Variants in SGF29 observed in about 807,000 individuals in gnomAD.
SGF29 encodes SAGA complex associated factor 29, also known as SAGA-associated factor 29.
A neutral mutation model predicts 38.1 loss-of-function variants in SGF29; 15 were observed. The ratio of observed to expected loss-of-function variants is 0.39; its 90% confidence interval spans 0.26 to 0.61. SGF29 has a LOEUF of 0.61. Ranked by LOEUF, SGF29 falls within the 20% of genes least tolerant of loss-of-function variation. The pLI, the probability that SGF29 is intolerant of heterozygous loss-of-function variation, is 0.49. For missense variants in SGF29, 184 were observed against 394.6 expected, an observed-to-expected ratio of 0.47 and a Z score of 4.52; for synonymous variants, 151 against 160.8, an observed-to-expected ratio of 0.94 and a Z score of 0.46.
At chr16:28,586,705 C>G (rs1006478261) in intron 4 of SGF29, among the ~76,000 whole-genome samples, 1 of 152,076 alleles carries the variant, frequency 6.6e-6, no homozygotes, top group Non-Finnish European at 1.5e-5. Context: ...CATTTCCTCA[C>G]TAGTAGGATT....
At chr16:28,581,246 G>C in intron 2 of SGF29, 102 bp downstream of exon 2, 1 of 1,023,206 alleles carries the variant, frequency 9.8e-7, no homozygotes, top group Non-Finnish European at 1.5e-6. Flanking sequence ...GGACTCGCAG[G>C]AACCAAAATG....
At chr16:28,567,881 G>A (rs760914274) in intron 1 of SGF29, among the ~76,000 whole-genome samples, 5 of 152,172 alleles carry the variant, frequency 3.3e-5, no homozygotes, top group Non-Finnish European at 7.3e-5. Flanking sequence ...CAAAATTAAT[G>A]TAGAGTTTAT....
intron 2 of SGF29, 91 bp downstream of exon 2, chr16:28,581,235 T>A: frequency 8.1e-7 from 1 of 1,227,412 alleles, no homozygotes; most frequent in Non-Finnish European, 1.2e-6. Context: ...TCAGAGAGAT[T>A]GGACTCGCAG....
chr16:28,561,626 G>A (rs2046790791), intron 1 of SGF29, among the ~76,000 whole-genome samples: 1 of 152,182 alleles, frequency 6.6e-6, no homozygotes, highest in South Asian at 2.1e-4. Flanking sequence ...GAGCATGCTA[G>A]GAGTCAAAAA....
intron 1 of SGF29, among the ~76,000 whole-genome samples, chr16:28,564,747 A>ATATATATG (rs1320403575): frequency 8.1e-4 from 1 of 1,236 alleles, no homozygotes; most frequent in Non-Finnish European, 3.0e-3. Context: ...GTATATATGT[A>ATATATATG]TATATATGTA....
chr16:28,561,356 A>AATTT (rs1395741090), intron 1 of SGF29, among the ~76,000 whole-genome samples: 1 of 152,178 alleles, frequency 6.6e-6, no homozygotes, highest in African/African-American at 2.4e-5. Context: ...AACATGGTTA[A>AATTT]ACCCTGTCTC....
intron 1 of SGF29, among the ~76,000 whole-genome samples, chr16:28,574,298 C>T (rs1427809365): frequency 6.6e-6 from 1 of 152,180 alleles, no homozygotes; most frequent in Non-Finnish European, 1.5e-5. Context: ...ATGATTCTTC[C>T]CTCACGGCGA....
chr16:28,572,360 G>A (rs1273119197), intron 1 of SGF29, among the ~76,000 whole-genome samples: 1 of 151,388 alleles, frequency 6.6e-6, no homozygotes, highest in Non-Finnish European at 1.5e-5. Context: ...ACATCCGCCT[G>A]CTGGGTTCAA....
intron 4 of SGF29, among the ~76,000 whole-genome samples, chr16:28,588,409 A>G (rs184390660): frequency 6.6e-6 from 1 of 152,122 alleles, no homozygotes; most frequent in Non-Finnish European, 1.5e-5. Flanking sequence ...TCATTTCAGG[A>G]GGTTCCTGCA....
intron 2 of SGF29, among the ~76,000 whole-genome samples, chr16:28,583,138 C>T (rs1004630733): frequency 6.6e-6 from 1 of 152,248 alleles, no homozygotes; most frequent in Non-Finnish European, 1.5e-5. Flanking sequence ...CCCTTTCAGG[C>T]ACCCAGTGTA....
intron 9 of SGF29, 86 bp downstream of exon 9, chr16:28,591,021 C>G (rs1452330798): frequency 6.9e-7 from 1 of 1,441,648 alleles, no homozygotes; most frequent in South Asian, 1.4e-5. Flanking sequence ...CCACTCCTTC[C>G]CTTTGTCCTC....
chr16:28,582,334 C>G (rs2046930988), intron 2 of SGF29, among the ~76,000 whole-genome samples: 1 of 151,980 alleles, frequency 6.6e-6, no homozygotes, highest in Non-Finnish European at 1.5e-5. Flanking sequence ...ATAGGTGGAG[C>G]ACAGAGGATT....
intron 1 of SGF29, among the ~76,000 whole-genome samples, chr16:28,577,281 C>T (rs1211024701): frequency 6.6e-6 from 1 of 151,180 alleles, no homozygotes; most frequent in Non-Finnish European, 1.5e-5. Context: ...GTGTGCAATT[C>T]ATTGGTTTTT....
intron 4 of SGF29, chr16:28,588,674 C>T (rs1466618901): frequency 2.4e-6 from 1 of 412,974 alleles, no homozygotes; most frequent in African/African-American, 2.1e-5. Flanking sequence ...AAGCGATTCT[C>T]TTGCCTCAGC....
intron 1 of SGF29, among the ~76,000 whole-genome samples, chr16:28,565,139 C>G (rs1209459693): frequency 1.3e-5 from 2 of 152,108 alleles, no homozygotes; most frequent in Non-Finnish European, 2.9e-5. Flanking sequence ...CTGCTGGTCC[C>G]CCTTCTTCCG....
chr16:28,587,890 C>G (rs753149033), intron 4 of SGF29, among the ~76,000 whole-genome samples: 5 of 152,284 alleles, frequency 3.3e-5, no homozygotes, highest in South Asian at 2.1e-4. Context: ...AGCTCTGCCC[C>G]CAAGGTTCAA....
chr16:28,568,238 G>A (rs990502416), intron 1 of SGF29, among the ~76,000 whole-genome samples: 1 of 150,818 alleles, frequency 6.6e-6, no homozygotes, highest in African/African-American at 2.4e-5. Flanking sequence ...GCTTGAATCC[G>A]GGAGGTGGAG....
chr16:28,558,630 G>A (rs909108884), intron 1 of SGF29, among the ~76,000 whole-genome samples: 2 of 152,228 alleles, frequency 1.3e-5, no homozygotes, highest in Non-Finnish European at 2.9e-5. Flanking sequence ...GATAGCCCCA[G>A]AGAAGGGATT....
In SGF29 at chr16:28,589,225, G is replaced by C. The variant is rs752746958; in HGVS notation, c.289+61G>C. On this transcript the variant is annotated intron_variant, in intron 5 of 9. Transcript: ENST00000317058. ...TAGGACAAGAGGAGAGGCCCTGCGG[G>C]CAGCAGTCACCCTCCTGTGGGGGCC... 2.4e-4 allele frequency: 377 copies of C among 1,582,300 alleles called. 1 individual carries two copies. The highest frequency in any genetic ancestry group is 1.0e-3 in the Middle Eastern group (6 of 5,870).
Sources: allele counts gnomAD v4.1 joint callset (sites outside exome capture counted in the v4.1 genomes callset), GRCh38; gene constraint gnomAD v4.1.1; transcripts MANE v1.5; gene names NCBI Gene and HGNC (gene_info 2026-07-23, HGNC 2026-07-21).